The following SLC25A20 variants were observed in gnomAD, a reference collection of about 807,000 sequenced individuals.
The protein encoded by SLC25A20 is solute carrier family 25 member 20.
Under a neutral mutation model 39.7 loss-of-function variants are expected in SLC25A20, and 29 were observed. The ratio of observed to expected loss-of-function variants is 0.73; its 90% confidence interval spans 0.54 to 1.00. SLC25A20 has a LOEUF of 1.00. Among genes scored for constraint, SLC25A20 ranks in the 50% least tolerant of loss-of-function variants. SLC25A20 has a pLI of 0.00. For missense variants in SLC25A20, 333 were observed against 379.9 expected, an observed-to-expected ratio of 0.88 and a Z score of 1.03; for synonymous variants, 103 against 142.2, an observed-to-expected ratio of 0.72 and a Z score of 1.96.
At chr3:48,865,094 A>G (rs1403438201) in intron 4 of SLC25A20, among the ~76,000 whole-genome samples, 2 of 151,768 alleles carry the variant, frequency 1.3e-5, no homozygotes, top group African/African-American at 4.8e-5. Flanking sequence ...TGTTGGATAA[A>G]CTAGTCTGGA....
At chr3:48,873,652 C>T (rs1015063834) in intron 4 of SLC25A20, among the ~76,000 whole-genome samples, 13 of 148,868 alleles carry the variant, frequency 8.7e-5, no homozygotes, top group African/African-American at 3.2e-4. Flanking sequence ...AAAAAAAAAA[C>T]AAGAAAATCT....
chr3:48,868,475 A>C (rs1243344280), intron 4 of SLC25A20, among the ~76,000 whole-genome samples: 1 of 151,842 alleles, frequency 6.6e-6, no homozygotes, highest in Non-Finnish European at 1.5e-5. Flanking sequence ...CAACCAAAAA[A>C]CTCTGGATGT....
At chr3:48,876,596 T>C (rs576858770) in intron 4 of SLC25A20, among the ~76,000 whole-genome samples, 2 of 151,364 alleles carry the variant, frequency 1.3e-5, no homozygotes, top group Non-Finnish European at 1.5e-5. Context: ...TGGCTAATTT[T>C]TGTATTTTTA....
At chr3:48,865,993 G>C (rs1291802639) in intron 4 of SLC25A20, among the ~76,000 whole-genome samples, 1 of 150,484 alleles carries the variant, frequency 6.6e-6, no homozygotes, top group Non-Finnish European at 1.5e-5. Context: ...AATTAGCTGG[G>C]CCTGGTAGCG....
At chr3:48,874,592 T>A (rs2083740642) in intron 4 of SLC25A20, among the ~76,000 whole-genome samples, 1 of 152,162 alleles carries the variant, frequency 6.6e-6, no homozygotes, top group Non-Finnish European at 1.5e-5. Context: ...TGTACAAATG[T>A]TTATGGCATC....
At chr3:48,882,565 T>C (rs1427832557) in intron 3 of SLC25A20, among the ~76,000 whole-genome samples, 1 of 151,964 alleles carries the variant, frequency 6.6e-6, no homozygotes, top group East Asian at 1.9e-4. Flanking sequence ...ATAAAAGAAA[T>C]ACGAAAAACT....
At chr3:48,870,995 T>G (rs1210217096) in intron 4 of SLC25A20, among the ~76,000 whole-genome samples, 1 of 151,492 alleles carries the variant, frequency 6.6e-6, no homozygotes, top group Non-Finnish European at 1.5e-5. Flanking sequence ...ACGGCTAATT[T>G]TTGTATTTTT....
At chr3:48,883,948 T>G in intron 3 of SLC25A20, 49 bp downstream of exon 3, 1 of 1,607,144 alleles carries the variant, frequency 6.2e-7, no homozygotes, top group Non-Finnish European at 8.5e-7. Flanking sequence ...TTAACCCATG[T>G]CACGCTACCA....
chr3:48,859,854 G>A (rs182446302), intron 5 of SLC25A20, among the ~76,000 whole-genome samples: 18 of 152,246 alleles, frequency 1.2e-4, no homozygotes, highest in Admixed American at 1.1e-3. Flanking sequence ...AGTAATTTAT[G>A]TAGACTAAAA....
chr3:48,859,104 G>C lies in SLC25A20; in HGVS notation c.706C>G (p.Arg236Gly). Residue 236 changes from arginine to glycine, a missense_variant, in exon 7 of 9, where the codon CGA becomes GGA. Arg to Gly is a moderately radical substitution (Grantham distance 125). Transcript: ENST00000319017. ...ACCTTCCACTCACCAGTCTGGAATC[G>C]AGACTTGAGCACATCTGGGGGGATT... ...VAIPPDVLKS[R>G]FQTAPPGKYP... The C allele has an allele frequency of 6.2e-7, 1 of 1,613,624 alleles. No homozygotes were observed.
At chr3:48,857,821 A>T (rs753922692) in intron 8 of SLC25A20, 49 bp from the exon 9 acceptor site, 2 of 1,555,236 alleles carry the variant, frequency 1.3e-6, no homozygotes. Context: ...ATAACTATTC[A>T]TAGACTATTC....
chr3:48,875,196 C>T (rs1428087665), intron 4 of SLC25A20, among the ~76,000 whole-genome samples: 12 of 151,822 alleles, frequency 7.9e-5, no homozygotes, highest in Admixed American at 5.9e-4. Flanking sequence ...CTTCACCTCC[C>T]GGGTTCAAGC....
chr3:48,859,673 G>A (rs375842269), intron 5 of SLC25A20, 46 bp from the exon 6 acceptor site: 69 of 1,438,490 alleles, frequency 4.8e-5, no homozygotes, highest in African/African-American at 4.7e-4. Flanking sequence ...TAAACTCTTC[G>A]CCAGGCATGG....
intron 7 of SLC25A20, 149 bp from the exon 8 acceptor site, chr3:48,858,780 C>T: frequency 1.1e-6 from 1 of 920,658 alleles, no homozygotes; most frequent in Non-Finnish European, 1.7e-6. Flanking sequence ...GGGACAAATG[C>T]ACAAATGCCT....
At chr3:48,897,269 G>A (rs1390039078) in intron 1 of SLC25A20, among the ~76,000 whole-genome samples, 4 of 149,438 alleles carry the variant, frequency 2.7e-5, no homozygotes, top group Non-Finnish European at 4.4e-5. Context: ...TCAGTGCAGA[G>A]GTCATCCAGT....
chr3:48,858,124 C>T (rs1344851050), intron 8 of SLC25A20, among the ~76,000 whole-genome samples: 3 of 151,970 alleles, frequency 2.0e-5, no homozygotes, highest in Admixed American at 6.6e-5. Context: ...CCCGCCACCA[C>T]GCCCAGCTAA....
intron 1 of SLC25A20, 129 bp from the exon 2 acceptor site, chr3:48,892,201 A>G: frequency 1.4e-6 from 1 of 738,368 alleles, no homozygotes; most frequent in Non-Finnish European, 2.5e-6. Flanking sequence ...CATTCACTTA[A>G]CCTGCTGGAT....
intron 4 of SLC25A20, 148 bp from the exon 5 acceptor site, chr3:48,862,807 T>C: frequency 1.4e-6 from 1 of 690,526 alleles, no homozygotes; most frequent in Non-Finnish European, 2.7e-6. Flanking sequence ...GAATGTGTGA[T>C]CTTGGGGCAG....
Position 48,859,554 on chromosome 3 carries a change from C to A in SLC25A20, c.608+1G>T. The stretch of plus-strand genomic sequence containing the variant: ...TGGCTTCCAAGTTATGTTTTCCTCA[C>A]CTCTTTCCCTCCGGAGTGAAGATAT... On this transcript the variant is annotated splice_donor_variant, in intron 6 of 8. Coordinates refer to ENST00000319017, the MANE Select transcript of SLC25A20 (RefSeq NM_000387.6). LOFTEE classifies it high-confidence loss of function. 1 of 1,613,266 alleles carries A rather than the reference C, an allele frequency of 6.2e-7. No individual in the cohort carries two copies. Among genetic ancestry groups the A allele is most frequent in the Non-Finnish European group, 8.5e-7 (1 of 1,179,234 alleles).
Sources: allele counts gnomAD v4.1 joint callset (sites outside exome capture counted in the v4.1 genomes callset), GRCh38; gene constraint gnomAD v4.1.1; transcripts MANE v1.5; gene names NCBI Gene and HGNC (gene_info 2026-07-23, HGNC 2026-07-21).